Variants in STK39 observed in about 807,000 individuals in gnomAD.
STK39 encodes serine/threonine kinase 39.
STK39 carries 20 observed loss-of-function variants against 77.8 expected under a neutral mutation model. That is an observed-to-expected ratio of 0.26 (90% CI 0.18 to 0.37). The LOEUF (loss-of-function observed/expected upper bound fraction) is 0.37. Ranked by LOEUF, STK39 falls within the 10% of genes least tolerant of loss-of-function variation. The pLI is 1.00. For synonymous variants in STK39, 246 were observed against 234.1 expected, an observed-to-expected ratio of 1.05 and a Z score of -0.47; for missense variants, 479 against 656.5, an observed-to-expected ratio of 0.73 and a Z score of 2.95.
chr2:168,092,286 C>T (rs1686545153), intron 10 of STK39, among the ~76,000 whole-genome samples: 1 of 152,200 alleles, frequency 6.6e-6, no homozygotes. Context: ...GGAAGCTCCA[C>T]TGTAAAAATG....
At chr2:167,955,923 T>C (rs1301128505) in intron 17 of STK39, among the ~76,000 whole-genome samples, 1 of 152,206 alleles carries the variant, frequency 6.6e-6, no homozygotes, top group Non-Finnish European at 1.5e-5. Context: ...AAATATACTT[T>C]CTAACTAAAT....
chr2:168,131,276 T>C (rs1687689798), intron 8 of STK39, among the ~76,000 whole-genome samples: 1 of 152,210 alleles, frequency 6.6e-6, no homozygotes, highest in Admixed American at 6.5e-5. Flanking sequence ...ATGTTTTAAA[T>C]GTTTCATAAT....
chr2:167,998,648 C>T (rs78887617), intron 16 of STK39, among the ~76,000 whole-genome samples: 4,063 of 151,738 alleles, frequency 0.027, 196 homozygotes, highest in African/African-American at 0.091. Flanking sequence ...GTTTGTTTTG[C>T]CTTTTCTAGG....
intron 17 of STK39, among the ~76,000 whole-genome samples, chr2:167,956,726 T>TTTCCC (rs1691791447): frequency 2.1e-5 from 1 of 47,756 alleles, no homozygotes; most frequent in Non-Finnish European, 4.5e-5. Flanking sequence ...TCTCTCTCTC[T>TTTCCC]CTCCCCCCCC....
chr2:168,209,630 A>G (rs1374880496), intron 1 of STK39, among the ~76,000 whole-genome samples: 1 of 152,178 alleles, frequency 6.6e-6, no homozygotes, highest in Admixed American at 6.5e-5. Flanking sequence ...GAGTGAGCCG[A>G]GATCGCACCA....
chr2:167,955,312 T>C lies in STK39; in HGVS notation c.*184A>G, dbSNP rs535981999. 7.2e-5 allele frequency: 40 copies of C among 553,092 alleles called. No individual in the cohort carries two copies. The South Asian group carries it at 7.3e-4, about 10-fold the overall frequency. The allele number at this position is 553,092 out of a possible 1,614,324, so 34.3% of individuals were successfully genotyped here. A position where few individuals can be genotyped will look rare whatever the true frequency, so the allele number is the denominator to read the frequency against. Reference sequence around the variant, plus strand: ...AGAGAATAAAGCAGAACTCGGAGTGTTGTAAGTTTTAAAAAATTATTTTTT... The same window carrying C: ...AGAGAATAAAGCAGAACTCGGAGTGCTGTAAGTTTTAAAAAATTATTTTTT... On this transcript the variant is annotated 3_prime_UTR_variant, in exon 18 of 18. Coordinates refer to ENST00000355999, the MANE Select transcript of STK39 (RefSeq NM_013233.3).
intron 16 of STK39, among the ~76,000 whole-genome samples, chr2:167,971,137 C>T (rs1470830058): frequency 1.3e-5 from 2 of 152,142 alleles, no homozygotes; most frequent in African/African-American, 2.4e-5. Flanking sequence ...ACTAATCTCT[C>T]GGAGCGGCTG....
chr2:168,010,061 G>A (rs561870880), intron 16 of STK39, among the ~76,000 whole-genome samples: 11 of 152,314 alleles, frequency 7.2e-5, no homozygotes, highest in African/African-American at 1.2e-4. Context: ...ATGCCTTTCC[G>A]TCAAGCTCTC....
At chr2:168,052,734 A>G (rs1685429690) in intron 14 of STK39, among the ~76,000 whole-genome samples, 1 of 152,188 alleles carries the variant, frequency 6.6e-6, no homozygotes, top group Non-Finnish European at 1.5e-5. Flanking sequence ...TACTTCCTCT[A>G]ACTCCTGGGT....
intron 14 of STK39, among the ~76,000 whole-genome samples, chr2:168,038,670 G>A (rs180973871): frequency 1.3e-5 from 2 of 152,224 alleles, no homozygotes; most frequent in East Asian, 1.9e-4. Context: ...TTATCCATAT[G>A]TATCTGGCAA....
chr2:167,967,874 T>C (rs1306963290), intron 16 of STK39, among the ~76,000 whole-genome samples: 1 of 152,160 alleles, frequency 6.6e-6, no homozygotes, highest in Non-Finnish European at 1.5e-5. Context: ...ATGCTGAGGT[T>C]TGGGGTATGA....
chr2:167,999,289 C>T (rs934097218), intron 16 of STK39, among the ~76,000 whole-genome samples: 1 of 152,168 alleles, frequency 6.6e-6, no homozygotes, highest in Non-Finnish European at 1.5e-5. Context: ...TATAGCACAT[C>T]ATTTTTCCTT....
chr2:168,083,634 G>T (rs1373732619), intron 10 of STK39, among the ~76,000 whole-genome samples: 1 of 152,114 alleles, frequency 6.6e-6, no homozygotes, highest in Non-Finnish European at 1.5e-5. Flanking sequence ...GTAGCTGCTA[G>T]AGCATTAGCC....
At chr2:168,234,026 G>A (rs1366445775) in intron 1 of STK39, among the ~76,000 whole-genome samples, 2 of 152,240 alleles carry the variant, frequency 1.3e-5, no homozygotes, top group East Asian at 3.8e-4. Flanking sequence ...CTTCTGAAGA[G>A]ATGAATTGAC....
intron 14 of STK39, among the ~76,000 whole-genome samples, chr2:168,059,437 C>T (rs183823510): frequency 2.6e-5 from 4 of 152,032 alleles, no homozygotes; most frequent in African/African-American, 7.2e-5. Flanking sequence ...ACAGAAAGAC[C>T]GAGGCCTTGG....
At chr2:168,204,145 C>G (rs566637029) in intron 1 of STK39, among the ~76,000 whole-genome samples, 1 of 152,222 alleles carries the variant, frequency 6.6e-6, no homozygotes, top group Non-Finnish European at 1.5e-5. Flanking sequence ...GAGGGTTTAA[C>G]AGGGACAGTC....
At chr2:168,086,308 A>G (rs76571429) in intron 10 of STK39, among the ~76,000 whole-genome samples, 357 of 152,344 alleles carry the variant, frequency 2.3e-3, no homozygotes, top group African/African-American at 8.2e-3. Context: ...CTGAACATTC[A>G]GATTTTAATT....
chr2:168,036,705 C>T (rs761444398), intron 14 of STK39, among the ~76,000 whole-genome samples: 1 of 152,162 alleles, frequency 6.6e-6, no homozygotes, highest in Non-Finnish European at 1.5e-5. Flanking sequence ...CAGATACCTG[C>T]TTCTGCTTTC....
intron 10 of STK39, among the ~76,000 whole-genome samples, chr2:168,124,600 T>C (rs185173778): frequency 6.6e-6 from 1 of 152,224 alleles, no homozygotes; most frequent in East Asian, 1.9e-4. Flanking sequence ...GGTTTCACCA[T>C]GTTAGCCAGG....
Sources: gnomAD v4.1 joint callset for allele counts (sites outside exome capture counted in the v4.1 genomes callset) on GRCh38, gnomAD v4.1.1 for gene constraint, MANE v1.5 for transcripts, NCBI Gene and HGNC (gene_info 2026-07-23, HGNC 2026-07-21) for gene names.